The following CNKSR3 variants were observed in gnomAD, a reference collection of about 807,000 sequenced individuals.
CNKSR3 encodes the protein CNKSR family member 3.
CNKSR3 carries 36 observed loss-of-function variants against 67.7 expected under a neutral mutation model. The observed-to-expected ratio is 0.53, with a 90% CI of 0.41 to 0.70. CNKSR3 has a LOEUF of 0.70. Ranked by LOEUF, CNKSR3 falls within the 30% of genes least tolerant of loss-of-function variation. The pLI is 0.00. For synonymous variants in CNKSR3, 281 were observed against 271.4 expected (o/e 1.04, Z -0.35); for missense variants, 630 against 695.2 (o/e 0.91, Z 1.05).
intron 1 of CNKSR3, among the ~76,000 whole-genome samples, chr6:154,474,186 G>C (rs914415386): frequency 4.2e-4 from 63 of 149,564 alleles, no homozygotes; most frequent in African/African-American, 1.4e-3. Context: ...GCTGAGGTGA[G>C]CAGATCATGA....
intron 1 of CNKSR3, among the ~76,000 whole-genome samples, chr6:154,452,193 T>C (rs1785849313): frequency 6.6e-6 from 1 of 152,172 alleles, no homozygotes; most frequent in Non-Finnish European, 1.5e-5. Flanking sequence ...TCCACAGTCA[T>C]ACAGCTGGTC....
rs1030610516 is a variant in CNKSR3 at position 154,414,289 on chromosome 6, A to G, written c.1070+10T>C. On this transcript the variant is annotated intron_variant, in intron 10 of 12. Coordinates refer to ENST00000607772, the MANE Select transcript of CNKSR3 (RefSeq NM_173515.4). Reference sequence around the variant, plus strand: ...AGACAAGCATACCATGACAATGGACAGCAACATACCGGGGAGAGTAGGGAA... The same window carrying G: ...AGACAAGCATACCATGACAATGGACGGCAACATACCGGGGAGAGTAGGGAA... 5 of 1,576,894 alleles carry G rather than the reference A, an allele frequency of 3.2e-6. No homozygotes were observed. In the South Asian group the frequency reaches 6.0e-5, roughly 19 times the overall value.
intron 1 of CNKSR3, among the ~76,000 whole-genome samples, chr6:154,504,361 T>C (rs1327590689): frequency 6.6e-6 from 1 of 152,184 alleles, no homozygotes; most frequent in Admixed American, 6.5e-5. Flanking sequence ...ATACACCTTA[T>C]GAAAGACTTC....
At chr6:154,411,634 A>T (rs1264247141) in intron 10 of CNKSR3, among the ~76,000 whole-genome samples, 1 of 16,914 alleles carries the variant, frequency 5.9e-5, no homozygotes. Context: ...ACTCCATCTC[A>T]AAAAAAAAAA....
chr6:154,496,342 C>T (rs182626539), intron 1 of CNKSR3, among the ~76,000 whole-genome samples: 1 of 151,826 alleles, frequency 6.6e-6, no homozygotes, highest in Non-Finnish European at 1.5e-5. Context: ...GGGTCACAAC[C>T]CTGGAAAGAC....
At chr6:154,460,145 T>C (rs1786047986) in intron 1 of CNKSR3, among the ~76,000 whole-genome samples, 1 of 152,182 alleles carries the variant, frequency 6.6e-6, no homozygotes, top group African/African-American at 2.4e-5. Context: ...GTTGGTATTA[T>C]CTGAAAGGAT....
intron 1 of CNKSR3, among the ~76,000 whole-genome samples, chr6:154,508,385 A>T (rs1787144903): frequency 6.6e-6 from 1 of 152,178 alleles, no homozygotes; most frequent in Non-Finnish European, 1.5e-5. Flanking sequence ...TTGCAATTCT[A>T]ACCAGCCACA....
chr6:154,493,982 A>C (rs1170537367), intron 1 of CNKSR3, among the ~76,000 whole-genome samples: 3 of 152,030 alleles, frequency 2.0e-5, no homozygotes, highest in Non-Finnish European at 4.4e-5. Flanking sequence ...GTGACACTGA[A>C]CTCCACTGAA....
intron 4 of CNKSR3, among the ~76,000 whole-genome samples, chr6:154,439,454 T>C (rs927227850): frequency 5.9e-5 from 9 of 152,194 alleles, no homozygotes; most frequent in Non-Finnish European, 8.8e-5. Flanking sequence ...TCTCCCTACA[T>C]TGCAGTGGGG....
intron 9 of CNKSR3, among the ~76,000 whole-genome samples, chr6:154,416,088 C>G (rs1363248591): frequency 2.0e-5 from 3 of 152,032 alleles, no homozygotes; most frequent in Non-Finnish European, 4.4e-5. Context: ...CAAGATCAGC[C>G]TAGAGAAAAT....
chr6:154,476,292 A>G lies in CNKSR3; in HGVS notation c.53-26034T>C, dbSNP rs111334686. Among the ~76,000 whole-genome samples the G allele has an allele frequency of 8.7e-3, 1,323 of 152,164 alleles. 11 individuals carry two copies. Among genetic ancestry groups the G allele is most frequent in the Middle Eastern group, 0.031 (9 of 294 alleles). Reference sequence around the variant, plus strand: ...GCGAACATGGCGAGACCCTGTCTCTACTAAAAACACAAAAATTAGCTGTGC... The same window carrying G: ...GCGAACATGGCGAGACCCTGTCTCTGCTAAAAACACAAAAATTAGCTGTGC... On this transcript the variant is annotated intron_variant, in intron 1 of 12. Coordinates refer to ENST00000607772, the MANE Select transcript of CNKSR3 (RefSeq NM_173515.4).
intron 10 of CNKSR3, among the ~76,000 whole-genome samples, chr6:154,413,850 C>T (rs1294188463): frequency 6.6e-6 from 1 of 152,032 alleles, no homozygotes; most frequent in Admixed American, 6.6e-5. Context: ...TAGGCTCAAG[C>T]GATTTTCCTG....
At chr6:154,476,934 C>CTA (rs1252550643) in intron 1 of CNKSR3, among the ~76,000 whole-genome samples, 1 of 152,102 alleles carries the variant, frequency 6.6e-6, no homozygotes, top group African/African-American at 2.4e-5. Context: ...AGGAAAATCC[C>CTA]TATATATGAA....
chr6:154,410,319 T>C, intron 12 of CNKSR3, 24 bp downstream of exon 12: 1 of 1,582,266 alleles, frequency 6.3e-7, no homozygotes. Flanking sequence ...TTGCTGTTCC[T>C]TGGTTTGCTT....
chr6:154,414,542 C>T (rs1732330644), intron 9 of CNKSR3, 119 bp from the exon 10 acceptor site: 3 of 1,017,864 alleles, frequency 2.9e-6, no homozygotes, highest in Non-Finnish European at 4.5e-6. Context: ...GGACTGAGGT[C>T]ATTCATGTGT....
In CNKSR3 at chr6:154,480,019, T is replaced by C. The variant is rs530729004; in HGVS notation, c.53-29761A>G. On this transcript the variant is annotated intron_variant, in intron 1 of 12. Transcript: ENST00000607772. The stretch of plus-strand genomic sequence containing the variant: ...AGGCAAATAAATCACAGAATGGCTG[T>C]AATTCCAGAAGAACAATTTTGGGGG... Among the ~76,000 whole-genome samples the C allele has an allele frequency of 4.4e-3, 669 of 152,320 alleles. 3 individuals are homozygous for C. Among genetic ancestry groups the C allele is most frequent in the Non-Finnish European group, 7.2e-3 (492 of 68,038 alleles).
chr6:154,417,037 T>G (rs563279968), intron 9 of CNKSR3, among the ~76,000 whole-genome samples: 1 of 152,304 alleles, frequency 6.6e-6, no homozygotes, highest in African/African-American at 2.4e-5. Context: ...AAAATTATTT[T>G]CACTCATGTT....
chr6:154,508,609 G>A (rs746724718), intron 1 of CNKSR3, among the ~76,000 whole-genome samples: 1 of 152,208 alleles, frequency 6.6e-6, no homozygotes, highest in Non-Finnish European at 1.5e-5. Context: ...AAGCTAGCGT[G>A]GGCATGGATG....
chr6:154,442,580 C>T (rs1349598870), intron 2 of CNKSR3, among the ~76,000 whole-genome samples: 1 of 152,146 alleles, frequency 6.6e-6, no homozygotes, highest in Non-Finnish European at 1.5e-5. Flanking sequence ...CGAGATGGCG[C>T]CACTGCACTC....
Sources: gnomAD v4.1 joint callset for allele counts (sites outside exome capture counted in the v4.1 genomes callset) on GRCh38, gnomAD v4.1.1 for gene constraint, MANE v1.5 for transcripts, NCBI Gene and HGNC (gene_info 2026-07-23, HGNC 2026-07-21) for gene names.